Variants in RPH3A observed in about 807,000 individuals in gnomAD.
The protein encoded by RPH3A is rabphilin 3A, also known as rabphilin-3A.
Under a neutral mutation model 102.2 loss-of-function variants are expected in RPH3A, and 48 were observed. The observed-to-expected ratio is 0.47, with a 90% confidence interval of 0.37 to 0.60. The LOEUF (loss-of-function observed/expected upper bound fraction) is 0.60, where lower values mean the gene tolerates loss of function less well. Among genes scored for constraint, RPH3A ranks in the 20% least tolerant of loss-of-function variants. The pLI is 0.00. For missense variants in RPH3A, 781 were observed against 910.1 expected (o/e 0.86, Z 1.83); for synonymous variants, 310 against 324.3 (o/e 0.96, Z 0.47).
chr12:112,870,107 T>G (rs938865180), intron 10 of RPH3A, 68 bp downstream of exon 10: 17 of 1,464,526 alleles, frequency 1.2e-5, no homozygotes, highest in Non-Finnish European at 1.5e-5. Flanking sequence ...TGAGGGGAAC[T>G]GTGTTTTTAT....
intron 1 of RPH3A, among the ~76,000 whole-genome samples, chr12:112,717,053 C>T (rs998114878): frequency 5.9e-5 from 9 of 152,168 alleles, no homozygotes; most frequent in South Asian, 2.1e-4. Context: ...ATTCTTATAA[C>T]GGCCTATAAC....
At chr12:112,894,115 C>CG in intron 19 of RPH3A, 29 of 174,648 alleles carry the variant, frequency 1.7e-4, no homozygotes, top group South Asian at 3.1e-4. Flanking sequence ...TTTGCATCTT[C>CG]CCCTTTCTGT....
intron 1 of RPH3A, among the ~76,000 whole-genome samples, chr12:112,752,152 C>G (rs1203412840): frequency 6.6e-6 from 1 of 152,068 alleles, no homozygotes; most frequent in Admixed American, 6.5e-5. Flanking sequence ...CAGAAAATCC[C>G]AATCTTTTAT....
chr12:112,718,526 T>A (rs1376930382), intron 1 of RPH3A, among the ~76,000 whole-genome samples: 1 of 152,112 alleles, frequency 6.6e-6, no homozygotes, highest in African/African-American at 2.4e-5. Context: ...TCATTACACA[T>A]GCATACACAC....
intron 15 of RPH3A, among the ~76,000 whole-genome samples, chr12:112,882,162 C>A (rs561380458): frequency 1.3e-5 from 2 of 152,036 alleles, no homozygotes; most frequent in East Asian, 3.9e-4. Context: ...ACTGCTGACT[C>A]TGGCTCACCT....
Position 112,894,753 on chromosome 12 carries a change from T to C in RPH3A, c.1857+94T>C, listed in dbSNP as rs1026815625. 4.0e-5 allele frequency: 39 copies of C among 971,974 alleles called. No individual in the cohort carries two copies. In the African/African-American group the frequency reaches 4.9e-4, roughly 12 times the overall value. The allele number at this position is 971,974 out of a possible 1,614,324, so 60.2% of individuals were successfully genotyped here. Reference sequence around the variant, plus strand: ...CATAGCCATTAAATATGTGGCCACATAGCCATTAAATGCAGCCATTTGAAA... The same window carrying C: ...CATAGCCATTAAATATGTGGCCACACAGCCATTAAATGCAGCCATTTGAAA... On this transcript the variant is annotated intron_variant, in intron 20 of 21. Transcript: ENST00000389385.
chr12:112,788,540 T>C (rs1281097445), upstream of RPH3A, among the ~76,000 whole-genome samples: 1 of 152,244 alleles, frequency 6.6e-6, no homozygotes. Context: ...ATCTGTCTGC[T>C]TCTTGTCTGC....
At chr12:112,890,426 C>A (rs1249508240) in intron 18 of RPH3A, among the ~76,000 whole-genome samples, 1 of 152,164 alleles carries the variant, frequency 6.6e-6, no homozygotes, top group Non-Finnish European at 1.5e-5. Context: ...CTGAACTAAG[C>A]CTTCATGCTG....
intron 1 of RPH3A, among the ~76,000 whole-genome samples, chr12:112,777,511 T>C (rs2040976330): frequency 1.3e-5 from 2 of 152,194 alleles, no homozygotes. Context: ...AGCGATCTAT[T>C]TAAAGAACAC....
At chr12:112,802,492 A>G (rs1194318343) in intron 2 of RPH3A, among the ~76,000 whole-genome samples, 1 of 151,968 alleles carries the variant, frequency 6.6e-6, no homozygotes, top group Non-Finnish European at 1.5e-5. Flanking sequence ...AGGTAAATAG[A>G]TGTTTTTATC....
intron 1 of RPH3A, among the ~76,000 whole-genome samples, chr12:112,682,586 G>A (rs184222097): frequency 8.2e-4 from 125 of 151,926 alleles, no homozygotes; most frequent in East Asian, 5.6e-3. Flanking sequence ...TTCTTTCTTG[G>A]GGGGGATTCA....
Position 112,750,950 on chromosome 12 carries a change from G to A in RPH3A, c.-139-41193G>A, listed in dbSNP as rs559359047. On this transcript the variant is annotated intron_variant, in intron 1 of 21. Transcript: ENST00000543106. ...AAAGCACATAGCCTTGGGAGTTGTC[G>A]GGGACCATCTTGAAACCATGGAGAG... 9.2e-5 allele frequency among the ~76,000 whole-genome samples: 14 copies of A among 152,142 alleles called. No individual in the cohort carries two copies. In the East Asian group the frequency reaches 2.3e-3, roughly 25 times the overall value.
chr12:112,612,559 CTTTTTTTTTT>C (rs1007489149), intron 1 of RPH3A, among the ~76,000 whole-genome samples: 4 of 109,728 alleles, frequency 3.6e-5, no homozygotes, highest in African/African-American at 1.1e-4. Flanking sequence ...GGAGTTTTGC[CTTTTTTTTTT>C]TTTTTTTTTT....
chr12:112,588,447 C>G (rs920915616), intron 1 of RPH3A, among the ~76,000 whole-genome samples: 6 of 152,280 alleles, frequency 3.9e-5, no homozygotes, highest in African/African-American at 1.2e-4. Context: ...TCTTGTGAGA[C>G]TTATTCACTA....
intron 1 of RPH3A, among the ~76,000 whole-genome samples, chr12:112,681,116 C>T (rs1025932912): frequency 1.4e-4 from 21 of 152,294 alleles, no homozygotes; most frequent in South Asian, 8.3e-4. Flanking sequence ...TTCACAAAAC[C>T]CTTCCTGCTC....
intron 1 of RPH3A, among the ~76,000 whole-genome samples, chr12:112,635,973 G>C (rs573402338): frequency 6.6e-6 from 1 of 152,040 alleles, no homozygotes; most frequent in African/African-American, 2.4e-5. Context: ...TATGTCCCAG[G>C]TAGAACACTG....
chr12:112,831,647 C>T (rs567042128), intron 3 of RPH3A: 2 of 294,046 alleles, frequency 6.8e-6, no homozygotes, highest in South Asian at 3.0e-5. Flanking sequence ...CACTTTACTT[C>T]TTCCTGAAGT....
chr12:112,601,737 G>A (rs549373752), intron 1 of RPH3A, among the ~76,000 whole-genome samples: 1 of 152,202 alleles, frequency 6.6e-6, no homozygotes, highest in East Asian at 1.9e-4. Flanking sequence ...TTCACTACCA[G>A]CCTGGGCAAC....
chr12:112,772,950 G>C (rs1970991), intron 1 of RPH3A, among the ~76,000 whole-genome samples: 2 of 151,996 alleles, frequency 1.3e-5, no homozygotes, highest in Admixed American at 1.3e-4. Context: ...TGTCCTCAGA[G>C]CTTAGCTCCC....
Sources: gnomAD v4.1 joint callset for allele counts (sites outside exome capture counted in the v4.1 genomes callset) on GRCh38, gnomAD v4.1.1 for gene constraint, MANE v1.5 for transcripts, NCBI Gene and HGNC (gene_info 2026-07-23, HGNC 2026-07-21) for gene names.